DSCAM: variants seen among roughly 807,000 people sequenced by gnomAD.
DSCAM encodes the protein DS cell adhesion molecule, also known as cell adhesion molecule DSCAM.
In DSCAM, 47 loss-of-function variants were observed where a neutral mutation model predicts 217.7. The observed-to-expected ratio is 0.22, with a 90% CI of 0.17 to 0.28. DSCAM has a LOEUF of 0.28. DSCAM is among the 10% of genes least tolerant of loss of function. DSCAM has a pLI of 1.00. For synonymous variants in DSCAM, 1,056 were observed against 1,015.3 expected, an observed-to-expected ratio of 1.04 and a Z score of -0.76; for missense variants, 2,080 against 2,618.3, an observed-to-expected ratio of 0.79 and a Z score of 4.49.
At chr21:40,816,467 T>C (rs2091882858) in intron 1 of DSCAM, among the ~76,000 whole-genome samples, 1 of 152,244 alleles carries the variant, frequency 6.6e-6, no homozygotes, top group South Asian at 2.1e-4. Flanking sequence ...TAGTCCCACC[T>C]ACTCGGGAGG....
intron 3 of DSCAM, among the ~76,000 whole-genome samples, chr21:40,687,174 T>C (rs1431308010): frequency 6.6e-6 from 1 of 152,166 alleles, no homozygotes; most frequent in Non-Finnish European, 1.5e-5. Flanking sequence ...CAGAAAAATG[T>C]TCCTTTTATA....
At chr21:40,233,485 T>A (rs2091399775) in intron 11 of DSCAM, among the ~76,000 whole-genome samples, 2 of 152,152 alleles carry the variant, frequency 1.3e-5, no homozygotes, top group Admixed American at 1.3e-4. Flanking sequence ...TTCAATATGT[T>A]CTTATGTATG....
At chr21:40,347,616 G>A in intron 6 of DSCAM, 54 bp downstream of exon 6, 1 of 1,605,782 alleles carries the variant, frequency 6.2e-7, no homozygotes. Context: ...TCTTTTCTGA[G>A]TGCTCTGGGT....
At chr21:40,175,502 T>G (rs755885752) in intron 15 of DSCAM, among the ~76,000 whole-genome samples, 6 of 151,982 alleles carry the variant, frequency 3.9e-5, no homozygotes, top group Non-Finnish European at 7.4e-5. Context: ...CAGGGCTCAT[T>G]CTTCTGGTTC....
At chr21:40,210,979 C>T (rs1023767455) in intron 11 of DSCAM, among the ~76,000 whole-genome samples, 2 of 152,234 alleles carry the variant, frequency 1.3e-5, no homozygotes, top group Non-Finnish European at 2.9e-5. Context: ...AACTATTCCA[C>T]ACCACAGAAG....
chr21:40,019,869 T>C (rs2088230354), intron 32 of DSCAM, among the ~76,000 whole-genome samples: 1 of 152,214 alleles, frequency 6.6e-6, no homozygotes, highest in Non-Finnish European at 1.5e-5. Context: ...CTCTATGGTG[T>C]CACTTCACTT....
intron 21 of DSCAM, 55 bp downstream of exon 21, chr21:40,093,665 GA>G (rs2089638863): frequency 3.2e-6 from 5 of 1,583,928 alleles, no homozygotes; most frequent in Non-Finnish European, 4.3e-6. Context: ...GTAAAATAGA[GA>G]CTTAAAAACA....
intron 1 of DSCAM, among the ~76,000 whole-genome samples, chr21:40,748,622 G>T (rs1443314167): frequency 2.6e-5 from 4 of 151,976 alleles, no homozygotes; most frequent in Non-Finnish European, 5.9e-5. Flanking sequence ...CATGTTCATG[G>T]ACTGAAATAA....
chr21:40,571,617 C>T (rs939101894), intron 3 of DSCAM, among the ~76,000 whole-genome samples: 1 of 152,084 alleles, frequency 6.6e-6, no homozygotes, highest in Non-Finnish European at 1.5e-5. Context: ...GGTAGTATAA[C>T]ATATAGGTAA....
intron 1 of DSCAM, among the ~76,000 whole-genome samples, chr21:40,800,718 T>TC (rs1044140524): frequency 1.1e-4 from 16 of 147,618 alleles, no homozygotes; most frequent in African/African-American, 3.2e-4. Context: ...TTACTTTCTT[T>TC]TTTTTTTTTT....
intron 3 of DSCAM, among the ~76,000 whole-genome samples, chr21:40,540,459 C>G (rs910729219): frequency 6.6e-6 from 1 of 152,122 alleles, no homozygotes; most frequent in African/African-American, 2.4e-5. Context: ...CCTCACACTG[C>G]GCTGTGAATC....
chr21:40,659,399 T>C (rs1262409988), intron 3 of DSCAM, among the ~76,000 whole-genome samples: 2 of 147,626 alleles, frequency 1.4e-5, no homozygotes, highest in African/African-American at 2.5e-5. Context: ...CTATCATCTC[T>C]CTCATCTCTC....
intron 30 of DSCAM, among the ~76,000 whole-genome samples, chr21:40,049,812 C>T (rs999476595): frequency 9.2e-5 from 14 of 152,206 alleles, no homozygotes; most frequent in African/African-American, 3.4e-4. Flanking sequence ...CGGTTCATGT[C>T]TCTGTTGATA....
At chr21:40,801,750 G>T (rs2091743465) in intron 1 of DSCAM, among the ~76,000 whole-genome samples, 1 of 152,200 alleles carries the variant, frequency 6.6e-6, no homozygotes, top group African/African-American at 2.4e-5. Flanking sequence ...CGCTAATTCT[G>T]CAGGCTCTTG....
intron 3 of DSCAM, among the ~76,000 whole-genome samples, chr21:40,655,029 G>A (rs2090058367): frequency 6.6e-6 from 1 of 152,090 alleles, no homozygotes; most frequent in Non-Finnish European, 1.5e-5. Context: ...TTTGTACTAG[G>A]TAATCACTAG....
At position 40,582,639 on chromosome 21, in the gene DSCAM, A is replaced by G. The variant is rs537403530; in HGVS notation, c.508+110171T>C. On this transcript the variant is annotated intron_variant, in intron 3 of 32. Coordinates refer to ENST00000400454, the MANE Select transcript of DSCAM (RefSeq NM_001389.5). ...ATACATATTCCAGGAATTTGCAGTCACTGGGATTCTGTACATATACTATGT... is the reference window on the plus strand; with the variant it reads ...ATACATATTCCAGGAATTTGCAGTCGCTGGGATTCTGTACATATACTATGT... Among the ~76,000 whole-genome samples the G allele has an allele frequency of 3.3e-5, 5 of 152,318 alleles. 1 individual carries two copies. The South Asian group carries it at 1.0e-3, about 32-fold the overall frequency.
intron 9 of DSCAM, among the ~76,000 whole-genome samples, chr21:40,310,542 C>T (rs981885092): frequency 6.6e-6 from 1 of 152,216 alleles, no homozygotes; most frequent in African/African-American, 2.4e-5. Flanking sequence ...CTACATTATC[C>T]CAAATAGCTA....
chr21:40,280,021 A>G (rs2073738356), intron 10 of DSCAM, among the ~76,000 whole-genome samples: 1 of 152,074 alleles, frequency 6.6e-6, no homozygotes, highest in Admixed American at 6.6e-5. Context: ...TCCAGGGCTT[A>G]AAACCTACAT....
At chr21:40,210,139 G>A (rs769541155) in intron 11 of DSCAM, among the ~76,000 whole-genome samples, 1 of 152,002 alleles carries the variant, frequency 6.6e-6, no homozygotes, top group Non-Finnish European at 1.5e-5. Context: ...TCCTTTTCCA[G>A]GTATGACTGG....
Sources: gnomAD v4.1 joint callset for allele counts (sites outside exome capture counted in the v4.1 genomes callset) on GRCh38, gnomAD v4.1.1 for gene constraint, MANE v1.5 for transcripts, NCBI Gene and HGNC (gene_info 2026-07-23, HGNC 2026-07-21) for gene names.